Variants in NMT1 observed in about 807,000 individuals in gnomAD.
The protein encoded by NMT1 is N-myristoyltransferase 1, also known as glycylpeptide N-tetradecanoyltransferase 1.
A neutral mutation model predicts 63.4 loss-of-function variants in NMT1; 12 were observed. The observed-to-expected ratio is 0.19, with a 90% CI of 0.12 to 0.31. The LOEUF (loss-of-function observed/expected upper bound fraction) is 0.31, where lower values mean the gene tolerates loss of function less well. Among genes scored for constraint, NMT1 ranks in the 10% least tolerant of loss-of-function variants. The pLI is 1.00. For synonymous variants in NMT1, 228 were observed against 234.3 expected (o/e 0.97, Z 0.25); for missense variants, 432 against 634.6 (o/e 0.68, Z 3.43).
chr17:45,095,411 A>G (rs1475482179), intron 4 of NMT1, among the ~76,000 whole-genome samples: 1 of 152,188 alleles, frequency 6.6e-6, no homozygotes, highest in Non-Finnish European at 1.5e-5. Context: ...CCGGGCCAAC[A>G]GAATTTTTTA....
intron 1 of NMT1, among the ~76,000 whole-genome samples, chr17:45,080,608 A>G (rs1231850468): frequency 6.6e-6 from 1 of 150,782 alleles, no homozygotes; most frequent in African/African-American, 2.5e-5. Context: ...AGCTGGGACT[A>G]CAGGCGCCCG....
Position 45,098,442 on chromosome 17 carries a change from G to A in NMT1, c.774G>A (p.Arg258=), listed in dbSNP as rs780855060. 1.2e-5 allele frequency: 19 copies of A among 1,614,022 alleles called. No homozygotes were observed. The South Asian group carries it at 2.1e-4, about 18-fold the overall frequency. The part of the protein sequence containing the change: ...LCVHKKLRSK[R]VAPVLIREIT... ...TCCACAAGAAGCTGCGTTCCAAGAGGGTTGCTCCAGTTCTGATCCGAGAGA... is the reference window on the plus strand; with the variant it reads ...TCCACAAGAAGCTGCGTTCCAAGAGAGTTGCTCCAGTTCTGATCCGAGAGA... Residue 258 remains arginine (R), a synonymous_variant, in exon 7 of 12, where the codon AGG becomes AGA. Transcript: ENST00000258960.
intron 1 of NMT1, among the ~76,000 whole-genome samples, chr17:45,078,982 G>A (rs1005818535): frequency 6.6e-6 from 1 of 152,036 alleles, no homozygotes; most frequent in African/African-American, 2.4e-5. Context: ...TTTGAAAATT[G>A]ATTGTCTAAA....
rs1384334634 is a variant in NMT1 at position 45,099,503 on chromosome 17, G to A, written c.983G>A (p.Arg328Gln). The change falls in exon 8 of 12, where the codon CGA (arginine) becomes CAA (glutamine). Residue 328 changes from arginine to glutamine, a missense_variant. Around this residue, in one of 4 missense-constraint regions of NMT1, gnomAD observed 295 missense variants for 489.7 expected, o/e 0.60. Transcript: ENST00000258960. ...MTMQRTMKLY[R>Q]LPETPKTAGL... ...ATGCAGCGCACCATGAAGCTCTACCGACTGCCAGAGGCCAGTGCTGCCCCG... is the reference window on the plus strand; with the variant it reads ...ATGCAGCGCACCATGAAGCTCTACCAACTGCCAGAGGCCAGTGCTGCCCCG... The A allele has an allele frequency of 1.9e-6, 3 of 1,612,710 alleles. No homozygotes were observed. Among genetic ancestry groups the A allele is most frequent in the East Asian group, 2.2e-5 (1 of 44,892 alleles).
intron 1 of NMT1, 76 bp from the exon 2 acceptor site, chr17:45,081,568 C>A: frequency 7.7e-7 from 1 of 1,300,144 alleles, no homozygotes; most frequent in Non-Finnish European, 1.1e-6. Context: ...TCTGGCTCCA[C>A]AGAAAGCTCT....
chr17:45,085,084 C>CA (rs1001212643), intron 2 of NMT1, among the ~76,000 whole-genome samples: 22 of 151,532 alleles, frequency 1.5e-4, no homozygotes, highest in Admixed American at 1.3e-3. Context: ...CCCGTCTCGA[C>CA]AAAAAAACAA....
In NMT1 at chr17:45,108,918, G is replaced by C. The variant is rs1446413412; in HGVS notation, c.*3279G>C. ...CTTGGCTTTTCTTTGGGCTGTGGGG[G>C]GGCATCCATTTCCAGGGTCGGGGAG... On this transcript the variant is annotated 3_prime_UTR_variant, in exon 12 of 12. Transcript: ENST00000258960. The C allele has an allele frequency of 6.6e-6, 1 of 152,550 alleles. No individual in the cohort carries two copies. Among genetic ancestry groups the C allele is most frequent in the African/African-American group, 2.4e-5 (1 of 41,424 alleles). 9.4% of individuals were successfully genotyped at this position (152,550 alleles called of 1,614,324 possible).
Position 45,101,149 on chromosome 17 carries a change from A to T in NMT1, c.993+1636A>T, listed in dbSNP as rs191389577. On this transcript the variant is annotated intron_variant, in intron 8 of 11. Transcript: ENST00000258960. ...CAGTGAGCTGAGATAGCGCCATTGC[A>T]CTCCAGCCTGGCCCACAGAGCGAGA... is the stretch of plus-strand genomic sequence containing the variant. Among the ~76,000 whole-genome samples, 120 of 151,858 alleles carry T rather than the reference A, an allele frequency of 7.9e-4. 1 individual carries two copies. The highest frequency in any genetic ancestry group is 1.4e-3 in the Non-Finnish European group (95 of 67,962).
chr17:45,094,308 C>A (rs1380330298), intron 4 of NMT1, among the ~76,000 whole-genome samples: 2 of 151,614 alleles, frequency 1.3e-5, no homozygotes, highest in Non-Finnish European at 2.9e-5. Context: ...GTCTGACCAA[C>A]ATAATAAAAC....
chr17:45,090,796 A>G (rs138541666), intron 3 of NMT1, among the ~76,000 whole-genome samples: 1 of 152,266 alleles, frequency 6.6e-6, no homozygotes, highest in Non-Finnish European at 1.5e-5. Context: ...TCGAAGTGTC[A>G]TCCTTAGTCA....
Position 45,103,004 on chromosome 17 carries a change from G to C in NMT1, c.1047G>C (p.Val349=). The C allele has an allele frequency of 6.2e-7, 1 of 1,614,066 alleles. No individual in the cohort carries two copies. Among genetic ancestry groups the C allele is most frequent in the South Asian group, 1.1e-5 (1 of 91,074 alleles). Residue 349 remains valine, a synonymous_variant, in exon 9 of 12, where the codon GTG becomes GTC. Transcript: ENST00000258960. The surrounding 1 kb of genome is among the most constrained non-coding windows in gnomAD (Gnocchi z 4.8). ...RPMETKDIPV[V]HQLLTRYLKQ... ...TGGAAACAAAGGACATTCCAGTAGTGCACCAGCTCCTCACCAGGTACTTGA... is the reference window on the plus strand; with the variant it reads ...TGGAAACAAAGGACATTCCAGTAGTCCACCAGCTCCTCACCAGGTACTTGA...
At position 45,105,030 on chromosome 17, in the gene NMT1, G is replaced by A. The variant is rs554221148; in HGVS notation, c.1470+34G>A. On this transcript the variant is annotated intron_variant, in intron 11 of 11. Coordinates refer to ENST00000258960, the MANE Select transcript of NMT1 (RefSeq NM_021079.5). The surrounding 1 kb of genome is among the most constrained non-coding windows in gnomAD (Gnocchi z 4.2). ...CACATAGCCAGAGTCCAGGCTGCCC[G>A]GCCCAGGGTGTCCATGTCTCCAGCA... 9 of 1,612,870 alleles carry A rather than the reference G, an allele frequency of 5.6e-6. No homozygotes were observed. The Admixed American group carries it at 6.7e-5, about 12-fold the overall frequency.
At position 45,097,191 on chromosome 17, in the gene NMT1, G is replaced by A. The variant is rs1330823537; in HGVS notation, c.660G>A (p.Arg220=). 1 of 1,614,198 alleles carries A rather than the reference G, an allele frequency of 6.2e-7. No individual in the cohort carries two copies. The highest frequency in any genetic ancestry group is 8.5e-7 in the Non-Finnish European group (1 of 1,180,032). Residue 220 remains arginine (R), a synonymous_variant, in exon 6 of 12, where the codon CGG becomes CGA. Coordinates refer to ENST00000258960, the MANE Select transcript of NMT1 (RefSeq NM_021079.5). ...WHCGVRVVSS[R]KLVGFISAIP... ...GTGGGGTTCGAGTGGTCTCAAGTCG[G>A]AAATTGGTTGGGTTCATTAGCGCCA...
chr17:45,071,169 A>G (rs892554370), intron 1 of NMT1, among the ~76,000 whole-genome samples: 13 of 152,240 alleles, frequency 8.5e-5, no homozygotes, highest in Admixed American at 6.6e-5. Context: ...AAGTAGAATC[A>G]AAAGGATATT....
At chr17:45,086,122 C>G (rs1475596717) in intron 2 of NMT1, among the ~76,000 whole-genome samples, 1 of 129,232 alleles carries the variant, frequency 7.7e-6, no homozygotes, top group Non-Finnish European at 1.7e-5. Context: ...GCGCCCAGCA[C>G]TCTTTTTTTT....
chr17:45,096,330 G>C (rs1567870358), intron 5 of NMT1, 45 bp downstream of exon 5: 2 of 1,490,192 alleles, frequency 1.3e-6, no homozygotes, highest in Non-Finnish European at 1.9e-6. Flanking sequence ...GGAAGGCATA[G>C]AGCAGATCCA....
intron 4 of NMT1, among the ~76,000 whole-genome samples, chr17:45,094,967 C>T (rs959230096): frequency 2.0e-5 from 3 of 151,834 alleles, no homozygotes; most frequent in African/African-American, 4.8e-5. Context: ...CATCTGTCAC[C>T]ATGCATGGAT....
At chr17:45,073,665 A>G (rs1034859985) in intron 1 of NMT1, among the ~76,000 whole-genome samples, 59 of 152,288 alleles carry the variant, frequency 3.9e-4, no homozygotes, top group African/African-American at 1.4e-3. Flanking sequence ...TGAGGAAACA[A>G]TATTCTCTTG....
chr17:45,095,965 G>T (rs2054122839), intron 4 of NMT1, among the ~76,000 whole-genome samples: 1 of 152,156 alleles, frequency 6.6e-6, no homozygotes, highest in South Asian at 2.1e-4. Flanking sequence ...GGTTAGTTAG[G>T]TGGCATTCTC....
Sources: gnomAD v4.1 joint callset for allele counts (sites outside exome capture counted in the v4.1 genomes callset) on GRCh38, gnomAD v4.1.1 for gene constraint, gnomAD v4.1.1 regional missense constraint, Gnocchi (gnomAD v3.1) non-coding constraint, MANE v1.5 for transcripts, NCBI Gene and HGNC (gene_info 2026-07-23, HGNC 2026-07-21) for gene names.